Variants in DGKB observed in about 807,000 individuals in gnomAD.
DGKB encodes the protein 90 kDa diacylglycerol kinase.
Under a neutral mutation model 114.3 loss-of-function variants are expected in DGKB, and 67 were observed. The observed-to-expected ratio is 0.59, with a 90% CI of 0.48 to 0.72. The LOEUF (loss-of-function observed/expected upper bound fraction) is 0.72. Ranked by LOEUF, DGKB falls within the 30% of genes least tolerant of loss-of-function variation. The pLI, the probability that DGKB is intolerant of heterozygous loss-of-function variation, is 0.00. For synonymous variants in DGKB, 398 were observed against 323.1 expected (o/e 1.23, Z -2.49); for missense variants, 907 against 975.2 (o/e 0.93, Z 0.93).
chr7:14,816,087 T>A (rs1041647133), intron 2 of DGKB, among the ~76,000 whole-genome samples: 1 of 152,076 alleles, frequency 6.6e-6, no homozygotes, highest in African/African-American at 2.4e-5. Flanking sequence ...TCCCAGCACT[T>A]TGGGAGGACG....
intron 1 of DGKB, among the ~76,000 whole-genome samples, chr7:14,858,024 C>A (rs1850436431): frequency 6.6e-6 from 1 of 152,028 alleles, no homozygotes; most frequent in Admixed American, 6.6e-5. Flanking sequence ...TAGTTCTCAG[C>A]CATTATTAAG....
intron 23 of DGKB, among the ~76,000 whole-genome samples, chr7:14,196,768 T>A (rs964982451): frequency 1.3e-5 from 2 of 151,958 alleles, no homozygotes; most frequent in Non-Finnish European, 2.9e-5. Flanking sequence ...ATATTAATCA[T>A]GTACTGACAA....
intron 23 of DGKB, among the ~76,000 whole-genome samples, chr7:14,244,128 G>C (rs1794079733): frequency 6.6e-6 from 1 of 152,250 alleles, no homozygotes; most frequent in South Asian, 2.1e-4. Flanking sequence ...TTCTGACAGA[G>C]TGATTAGGGA....
At chr7:14,728,132 T>C (rs1160459993) in intron 5 of DGKB, among the ~76,000 whole-genome samples, 1 of 152,154 alleles carries the variant, frequency 6.6e-6, no homozygotes, top group African/African-American at 2.4e-5. Context: ...ACAGTGCAAA[T>C]TAACCATTGC....
At chr7:14,918,789 G>A (rs1784365438) in intron 1 of DGKB, among the ~76,000 whole-genome samples, 1 of 152,034 alleles carries the variant, frequency 6.6e-6, no homozygotes, top group Admixed American at 6.6e-5. Context: ...ATGGGGCTGG[G>A]CATGGTGGCT....
At chr7:14,207,073 T>C (rs6461071) in intron 23 of DGKB, among the ~76,000 whole-genome samples, 70,028 of 151,854 alleles carry the variant, frequency 0.46, 19,086 homozygotes, top group African/African-American at 0.77. Context: ...GTTGATCATG[T>C]TTTCTTGCTG....
intron 10 of DGKB, among the ~76,000 whole-genome samples, chr7:14,683,480 A>G (rs1047958968): frequency 3.3e-5 from 5 of 152,152 alleles, no homozygotes; most frequent in Non-Finnish European, 5.9e-5. Flanking sequence ...ACACATAAGC[A>G]AATATATGTA....
intron 21 of DGKB, among the ~76,000 whole-genome samples, chr7:14,453,329 T>A (rs902161338): frequency 1.3e-5 from 2 of 152,102 alleles, no homozygotes; most frequent in African/African-American, 4.8e-5. Flanking sequence ...GTTACGTGGT[T>A]CTGGTAGATA....
chr7:14,421,917 A>AT (rs1389702718), intron 21 of DGKB, among the ~76,000 whole-genome samples: 1 of 152,010 alleles, frequency 6.6e-6, no homozygotes, highest in Non-Finnish European at 1.5e-5. Flanking sequence ...CCATGTTTCC[A>AT]TTATAAACCC....
chr7:14,903,933 G>T (rs886108313), upstream of DGKB, among the ~76,000 whole-genome samples: 1 of 152,102 alleles, frequency 6.6e-6, no homozygotes, highest in Non-Finnish European at 1.5e-5. Context: ...TATTCTCAAT[G>T]ATTTCAATGC....
chr7:14,866,086 G>C (rs1261558878), intron 1 of DGKB, among the ~76,000 whole-genome samples: 2 of 152,080 alleles, frequency 1.3e-5, no homozygotes, highest in Non-Finnish European at 2.9e-5. Context: ...GCATAGACTT[G>C]TTTTTTAAAG....
chr7:14,778,543 T>C (rs1053624644), intron 2 of DGKB, among the ~76,000 whole-genome samples: 1 of 152,220 alleles, frequency 6.6e-6, no homozygotes, highest in African/African-American at 2.4e-5. Flanking sequence ...TCTGTAGCCC[T>C]TGGCAGATGG....
chr7:14,923,569 G>A (rs1188877892), intron 1 of DGKB, among the ~76,000 whole-genome samples: 1 of 152,046 alleles, frequency 6.6e-6, no homozygotes, highest in African/African-American at 2.4e-5. Context: ...CTGTATTGTA[G>A]TTCAAACCAT....
intron 23 of DGKB, among the ~76,000 whole-genome samples, chr7:14,289,833 T>TAAAC (rs1355928469): frequency 6.6e-6 from 1 of 151,036 alleles, no homozygotes; most frequent in East Asian, 1.9e-4. Flanking sequence ...TAGCCTATTC[T>TAAAC]AAACAAACAC....
At chr7:14,439,905 A>G in intron 21 of DGKB, among the ~76,000 whole-genome samples, 1 of 151,474 alleles carries the variant, frequency 6.6e-6, no homozygotes, top group East Asian at 1.9e-4. Flanking sequence ...AATGTGGCAG[A>G]CTGCCACAGT....
chr7:14,888,207 T>C (rs1423923542), intron 1 of DGKB, among the ~76,000 whole-genome samples: 1 of 151,708 alleles, frequency 6.6e-6, no homozygotes, highest in Non-Finnish European at 1.5e-5. Flanking sequence ...GTATGATGCA[T>C]ACTGATAGCA....
Position 14,829,629 on chromosome 7 carries a change from G to A in DGKB, c.70+11565C>T, listed in dbSNP as rs145375819. 3.0e-3 allele frequency among the ~76,000 whole-genome samples: 452 copies of A among 152,214 alleles called. 1 individual carries two copies. Among genetic ancestry groups the A allele is most frequent in the Non-Finnish European group, 5.1e-3 (345 of 67,996 alleles). The stretch of plus-strand genomic sequence containing the variant: ...CAAGATGGATTCTTTGAGGGATTGC[G>A]TGAAGCAATCCTTATGTTAATGGTG... On this transcript the variant is annotated intron_variant, in intron 2 of 25. Transcript: ENST00000402815.
intron 23 of DGKB, among the ~76,000 whole-genome samples, chr7:14,206,734 T>A (rs1465658222): frequency 6.6e-6 from 1 of 152,056 alleles, no homozygotes. Flanking sequence ...CCTCATTGGA[T>A]TGCTGCAAAG....
intron 25 of DGKB, among the ~76,000 whole-genome samples, chr7:14,173,609 T>A (rs1404200961): frequency 2.6e-5 from 4 of 152,324 alleles, no homozygotes; most frequent in African/African-American, 4.8e-5. Flanking sequence ...AGCAGAGAAT[T>A]TAAACATTGT....
Sources: allele counts gnomAD v4.1 joint callset (sites outside exome capture counted in the v4.1 genomes callset), GRCh38; gene constraint gnomAD v4.1.1; transcripts MANE v1.5; gene names NCBI Gene and HGNC (gene_info 2026-07-23, HGNC 2026-07-21).